The following IPO5 variants were observed in gnomAD, a reference collection of about 807,000 sequenced individuals.
IPO5 encodes the protein importin-5.
IPO5 carries 18 observed loss-of-function variants against 143.3 expected under a neutral mutation model. The ratio of observed to expected loss-of-function variants is 0.13; its 90% CI spans 0.09 to 0.19. IPO5 has a LOEUF of 0.19. Ranked by LOEUF, IPO5 falls within the 10% of genes least tolerant of loss-of-function variation. IPO5 has a pLI of 1.00. For synonymous variants in IPO5, 477 were observed against 465.7 expected (o/e 1.02, Z -0.31); for missense variants, 1,013 against 1,336.9 (o/e 0.76, Z 3.78).
At position 97,982,494 on chromosome 13, in the gene IPO5, TCCA is replaced by T. The variant is rs1594058272; in HGVS notation, c.91-8_91-6del. ...ATTCTTTCCTAACCATTTTTTTTTT[TCCA>T]TGCAGGAAACCTATGAGAATATCCC... On this transcript the variant is annotated splice_region_variant and splice_polypyrimidine_tract_variant and intron_variant, in intron 4 of 28. Coordinates refer to ENST00000651721, the MANE Select transcript of IPO5 (RefSeq NM_002271.6). The T allele has an allele frequency of 6.3e-7, 1 of 1,583,934 alleles. No homozygotes were observed.
At chr13:98,007,138 G>T (rs983383658) in intron 17 of IPO5, among the ~76,000 whole-genome samples, 1 of 151,910 alleles carries the variant, frequency 6.6e-6, no homozygotes, top group African/African-American at 2.4e-5. Context: ...GAGCCACCGC[G>T]CCCAGCCCGT....
chr13:97,991,011 A>G (rs1399000168), intron 9 of IPO5, among the ~76,000 whole-genome samples: 2 of 152,180 alleles, frequency 1.3e-5, no homozygotes, highest in African/African-American at 4.8e-5. Context: ...ATGAGACAAG[A>G]TAGAGCATAT....
At chr13:98,014,356 C>T in intron 22 of IPO5, 142 bp downstream of exon 22, 1 of 568,224 alleles carries the variant, frequency 1.8e-6, no homozygotes. Context: ...CAGCTCACTG[C>T]AACCTCCACC....
intron 20 of IPO5, among the ~76,000 whole-genome samples, chr13:98,011,575 C>T (rs1267110149): frequency 2.6e-5 from 4 of 151,838 alleles, no homozygotes; most frequent in Non-Finnish European, 4.4e-5. Context: ...GGTGCCATCC[C>T]GGCTCACTGC....
chr13:98,023,694 T>TAC lies in IPO5; in HGVS notation c.*1874_*1875dup, dbSNP rs974443614. 6.6e-6 allele frequency: 1 copy of TAC among 152,180 alleles called. No individual in the cohort carries two copies. Among genetic ancestry groups the TAC allele is most frequent in the African/African-American group, 2.4e-5 (1 of 41,432 alleles). The allele number at this position is 152,180 out of a possible 1,614,324, so 9.4% of individuals were successfully genotyped here. A position where few individuals can be genotyped will look rare whatever the true frequency, so the allele number is the denominator to read the frequency against. On this transcript the variant is annotated 3_prime_UTR_variant, in exon 29 of 29. Transcript: ENST00000651721. The stretch of plus-strand genomic sequence containing the variant: ...ATGCCGTTAGTATCTGAGATGTACT[T>TAC]ACAGCAGGGTTCTAAGAGCTCTGAA...
At position 97,970,955 on chromosome 13, in the gene IPO5, C is replaced by A. The variant is rs74652285; in HGVS notation, c.-5+1125C>A. Reference sequence around the variant, plus strand: ...CTATCTATTAAGCATTTACTCTGTGCCCGGCACTACTGCCAGGTATTTTAA... The same window carrying A: ...CTATCTATTAAGCATTTACTCTGTGACCGGCACTACTGCCAGGTATTTTAA... On this transcript the variant is annotated intron_variant, in intron 3 of 28. Transcript: ENST00000651721. Among the ~76,000 whole-genome samples the A allele has an allele frequency of 0.016, 2,427 of 152,278 alleles. 105 individuals carry two copies. The East Asian group carries it at 0.17, about 11-fold the overall frequency.
intron 16 of IPO5, among the ~76,000 whole-genome samples, chr13:98,005,321 C>T (rs1033077053): frequency 1.6e-4 from 24 of 151,512 alleles, no homozygotes; most frequent in African/African-American, 5.8e-4. Flanking sequence ...CCTCTGCTTC[C>T]GGAGTAATGG....
chr13:97,984,291 A>G (rs563476529), intron 5 of IPO5, among the ~76,000 whole-genome samples: 2 of 152,228 alleles, frequency 1.3e-5, no homozygotes, highest in South Asian at 2.1e-4. Context: ...GGTAACTTCT[A>G]TCACTAAAAA....
At chr13:97,961,015 G>T (rs1289548980) in intron 2 of IPO5, among the ~76,000 whole-genome samples, 2 of 152,150 alleles carry the variant, frequency 1.3e-5, no homozygotes, top group Non-Finnish European at 2.9e-5. Context: ...CACATGGCAA[G>T]CACCAATCTA....
chr13:98,015,369 T>C (rs1388789747), intron 22 of IPO5, among the ~76,000 whole-genome samples, 161 bp from the exon 23 acceptor site: 1 of 152,158 alleles, frequency 6.6e-6, no homozygotes, highest in Non-Finnish European at 1.5e-5. Flanking sequence ...CTCCAATCTC[T>C]AAAATGCTGT....
At chr13:97,957,690 AAAC>A (rs1884555436) in intron 2 of IPO5, among the ~76,000 whole-genome samples, 1 of 152,226 alleles carries the variant, frequency 6.6e-6, no homozygotes, top group African/African-American at 2.4e-5. Context: ...CAATAAAAAT[AAAC>A]AATTCTTTGA....
intron 20 of IPO5, among the ~76,000 whole-genome samples, chr13:98,011,559 T>C (rs1165618360): frequency 7.0e-6 from 1 of 142,954 alleles, no homozygotes; most frequent in Non-Finnish European, 1.5e-5. Context: ...CAGGCTGGAG[T>C]ATAGTGGTGC....
At chr13:97,955,640 C>T (rs1479470621) in intron 2 of IPO5, among the ~76,000 whole-genome samples, 2 of 152,086 alleles carry the variant, frequency 1.3e-5, no homozygotes, top group South Asian at 2.1e-4. Flanking sequence ...CCTCAGACGC[C>T]GGAGCTGGGA....
chr13:97,963,963 T>C (rs1030683782), intron 2 of IPO5, among the ~76,000 whole-genome samples: 3 of 152,228 alleles, frequency 2.0e-5, no homozygotes, highest in Admixed American at 6.5e-5. Context: ...ATGAGCTTTT[T>C]TTCATATGTT....
chr13:97,973,099 G>C (rs1885967960), intron 3 of IPO5, among the ~76,000 whole-genome samples: 1 of 139,082 alleles, frequency 7.2e-6, no homozygotes, highest in Admixed American at 8.1e-5. Flanking sequence ...CTGTAGTGCA[G>C]TGGCATGATA....
chr13:97,968,541 G>A (rs548923139), intron 2 of IPO5, among the ~76,000 whole-genome samples: 2 of 152,268 alleles, frequency 1.3e-5, no homozygotes, highest in Non-Finnish European at 2.9e-5. Flanking sequence ...TTTGCTTTAT[G>A]TATTTTGGTG....
intron 3 of IPO5, 119 bp from the exon 4 acceptor site, chr13:97,976,574 C>G (rs1237178593): frequency 5.0e-6 from 1 of 200,614 alleles, no homozygotes; most frequent in Middle Eastern, 2.0e-3. Context: ...CGGCCCCCCG[C>G]AAGCCCCGCG....
intron 9 of IPO5, 69 bp downstream of exon 9, chr13:97,990,606 T>C: frequency 2.4e-6 from 2 of 847,616 alleles, no homozygotes; most frequent in Admixed American, 2.6e-5. Context: ...CAATCATTTA[T>C]GCAATAAATT....
At chr13:98,003,835 A>G (rs1351945488) in intron 16 of IPO5, among the ~76,000 whole-genome samples, 6 of 152,086 alleles carry the variant, frequency 3.9e-5, no homozygotes, top group Non-Finnish European at 8.8e-5. Context: ...CAACAAGAGC[A>G]AAATTCTGTT....
Sources: allele counts gnomAD v4.1 joint callset (sites outside exome capture counted in the v4.1 genomes callset), GRCh38; gene constraint gnomAD v4.1.1; transcripts MANE v1.5; gene names NCBI Gene and HGNC (gene_info 2026-07-23, HGNC 2026-07-21).